Variants in IMMP2L observed in about 807,000 individuals in gnomAD.
IMMP2L encodes the protein inner mitochondrial membrane peptidase subunit 2, also known as mitochondrial inner membrane protease subunit 2.
IMMP2L carries 18 observed loss-of-function variants against 19.3 expected under a neutral mutation model. The ratio of observed to expected loss-of-function variants is 0.93; its 90% CI spans 0.64 to 1.38. The LOEUF (loss-of-function observed/expected upper bound fraction) is 1.38. Ranked by LOEUF, IMMP2L falls within the 40% of genes most tolerant of loss-of-function variation. The pLI is 0.00. For missense variants in IMMP2L, 233 were observed against 218.2 expected (o/e 1.07, Z -0.43); for synonymous variants, 76 against 73.0 (o/e 1.04, Z -0.21).
chr7:110,764,130 A>T (rs1420787962), intron 5 of IMMP2L, among the ~76,000 whole-genome samples: 1 of 152,138 alleles, frequency 6.6e-6, no homozygotes, highest in Admixed American at 6.6e-5. Flanking sequence ...ATACAAGGTA[A>T]CAGAACTGGA....
At chr7:110,969,598 G>A (rs1048656459) in intron 3 of IMMP2L, among the ~76,000 whole-genome samples, 3 of 152,036 alleles carry the variant, frequency 2.0e-5, no homozygotes, top group African/African-American at 7.2e-5. Flanking sequence ...TTATTTTCTA[G>A]AAGGGGAAGG....
At chr7:111,459,129 T>A (rs1383887074) in intron 3 of IMMP2L, among the ~76,000 whole-genome samples, 1 of 152,094 alleles carries the variant, frequency 6.6e-6, no homozygotes, top group Admixed American at 6.6e-5. Context: ...ATTCTATGAG[T>A]AAATATAATA....
intron 3 of IMMP2L, among the ~76,000 whole-genome samples, chr7:111,368,397 T>C (rs1405342919): frequency 1.3e-5 from 2 of 151,978 alleles, no homozygotes; most frequent in Non-Finnish European, 2.9e-5. Context: ...AGTGAACATA[T>C]AACCCAAGTT....
Position 111,065,062 on chromosome 7 carries a change from C to T in IMMP2L, c.240-101497G>A, listed in dbSNP as rs115060940. ...CTAAGGGAATACGGAATGGGTAGTA[C>T]AAGAAGGCAGTCATCAATATCAGCT... On this transcript the variant is annotated intron_variant, in intron 3 of 5. Transcript: ENST00000405709. Among the ~76,000 whole-genome samples, 1,329 of 152,210 alleles carry T rather than the reference C, an allele frequency of 8.7e-3. 22 individuals carry two copies. Among genetic ancestry groups the T allele is most frequent in the African/African-American group, 0.029 (1,206 of 41,536 alleles).
Position 110,948,682 on chromosome 7 carries a change from AG to A in IMMP2L, c.305+14817del, listed in dbSNP as rs550569387. On this transcript the variant is annotated intron_variant, in intron 4 of 5. Coordinates refer to ENST00000405709, the MANE Select transcript of IMMP2L (RefSeq NM_032549.4). ...CTATGCAGTGTTCTTGTAGTATAAT[AG>A]CTCTTCCCCCTTGTGATATTAATTT... Among the ~76,000 whole-genome samples, 41 of 152,320 alleles carry A rather than the reference AG, an allele frequency of 2.7e-4. No individual in the cohort carries two copies. In the East Asian group the frequency reaches 7.3e-3, roughly 27 times the overall value.
intron 3 of IMMP2L, among the ~76,000 whole-genome samples, chr7:111,084,309 A>T (rs2129576816): frequency 6.6e-6 from 1 of 151,846 alleles, no homozygotes; most frequent in East Asian, 1.9e-4. Context: ...TTAAAAAAAA[A>T]AAAAAAAAAG....
intron 4 of IMMP2L, among the ~76,000 whole-genome samples, chr7:110,908,655 T>C (rs529982951): frequency 6.6e-6 from 1 of 152,234 alleles, no homozygotes; most frequent in Non-Finnish European, 1.5e-5. Context: ...CAGATAACTA[T>C]ATTTATGCTT....
chr7:111,215,274 T>C (rs1357674120), intron 3 of IMMP2L, among the ~76,000 whole-genome samples: 1 of 152,222 alleles, frequency 6.6e-6, no homozygotes, highest in Non-Finnish European at 1.5e-5. Context: ...TGCATACTTA[T>C]GATCATACCC....
At chr7:111,437,687 T>C (rs1008577881) in intron 3 of IMMP2L, among the ~76,000 whole-genome samples, 5 of 151,988 alleles carry the variant, frequency 3.3e-5, no homozygotes, top group Non-Finnish European at 7.3e-5. Context: ...TTACAATGTA[T>C]GGTATCTATT....
intron 3 of IMMP2L, among the ~76,000 whole-genome samples, chr7:111,063,809 T>C (rs939648875): frequency 2.6e-5 from 4 of 152,274 alleles, no homozygotes; most frequent in Middle Eastern, 3.4e-3. Flanking sequence ...TCCTCATCTC[T>C]ATCTGAGACC....
intron 5 of IMMP2L, among the ~76,000 whole-genome samples, chr7:110,684,569 G>C (rs1792970591): frequency 6.6e-6 from 1 of 151,930 alleles, no homozygotes; most frequent in Non-Finnish European, 1.5e-5. Flanking sequence ...GCAAGCAGAT[G>C]AGGTTGACTG....
At chr7:110,984,390 A>G (rs1821636087) in intron 3 of IMMP2L, among the ~76,000 whole-genome samples, 1 of 152,004 alleles carries the variant, frequency 6.6e-6, no homozygotes, top group Admixed American at 6.6e-5. Context: ...ATTTAGTATT[A>G]TCAAATGAAA....
In IMMP2L at chr7:111,143,971, C is replaced by G. The variant is rs28401368; in HGVS notation, c.240-180406G>C. 9.4e-3 allele frequency among the ~76,000 whole-genome samples: 1,438 copies of G among 152,206 alleles called. 25 individuals are homozygous for G. The highest frequency in any genetic ancestry group is 0.032 in the African/African-American group (1,334 of 41,538). Reference sequence around the variant, plus strand: ...TCATTACCCTACCCTGTTTGGAAAACTTTAAAAAATTATTATTTCCATCTC... The same window carrying G: ...TCATTACCCTACCCTGTTTGGAAAAGTTTAAAAAATTATTATTTCCATCTC... On this transcript the variant is annotated intron_variant, in intron 3 of 5. Coordinates refer to ENST00000405709, the MANE Select transcript of IMMP2L (RefSeq NM_032549.4).
chr7:111,493,813 C>T (rs1427383733), intron 2 of IMMP2L, among the ~76,000 whole-genome samples: 2 of 151,740 alleles, frequency 1.3e-5, no homozygotes, highest in African/African-American at 4.8e-5. Flanking sequence ...CGAGATCATC[C>T]TGGCTCAACA....
chr7:111,250,476 G>C (rs1304736954), intron 3 of IMMP2L, among the ~76,000 whole-genome samples: 1 of 152,158 alleles, frequency 6.6e-6, no homozygotes, highest in African/African-American at 2.4e-5. Flanking sequence ...AACAAAGCTG[G>C]AGGTATCACA....
chr7:110,677,213 G>A (rs780239083), intron 5 of IMMP2L, among the ~76,000 whole-genome samples: 1 of 152,058 alleles, frequency 6.6e-6, no homozygotes, highest in Non-Finnish European at 1.5e-5. Flanking sequence ...GGATGCCAGC[G>A]AAACAGATGC....
At chr7:111,166,609 A>C (rs1805848000) in intron 3 of IMMP2L, among the ~76,000 whole-genome samples, 1 of 151,976 alleles carries the variant, frequency 6.6e-6, no homozygotes, top group Non-Finnish European at 1.5e-5. Context: ...GGCTGCGAAA[A>C]CAAAGCACTA....
chr7:111,541,527 T>C (rs1848503378), intron 1 of IMMP2L, among the ~76,000 whole-genome samples: 1 of 152,164 alleles, frequency 6.6e-6, no homozygotes, highest in African/African-American at 2.4e-5. Flanking sequence ...ACTAGGAAGG[T>C]TGTTTTCATC....
intron 3 of IMMP2L, among the ~76,000 whole-genome samples, chr7:111,097,777 C>G (rs1239020831): frequency 6.6e-6 from 1 of 151,702 alleles, no homozygotes; most frequent in African/African-American, 2.4e-5. Context: ...TGAACATGTT[C>G]TACAAAAAGT....
Sources: allele counts gnomAD v4.1 joint callset (sites outside exome capture counted in the v4.1 genomes callset), GRCh38; gene constraint gnomAD v4.1.1; transcripts MANE v1.5; gene names NCBI Gene and HGNC (gene_info 2026-07-23, HGNC 2026-07-21).